The following SLC10A7 variants were observed in gnomAD, a reference collection of about 807,000 sequenced individuals.
The protein encoded by SLC10A7 is solute carrier family 10 member 7, also known as sodium/bile acid cotransporter 7.
In SLC10A7, 29 loss-of-function variants were observed where a neutral mutation model predicts 43.2. The ratio of observed to expected loss-of-function variants is 0.67; its 90% CI spans 0.50 to 0.92. The LOEUF is 0.92. Ranked by LOEUF, SLC10A7 falls within the 40% of genes least tolerant of loss-of-function variation. The pLI is 0.00. For missense variants in SLC10A7, 295 were observed against 403.2 expected (o/e 0.73, Z 2.30); for synonymous variants, 152 against 144.8 (o/e 1.05, Z -0.35).
chr4:146,333,175 T>C (rs1044362148), intron 5 of SLC10A7, among the ~76,000 whole-genome samples: 2 of 152,172 alleles, frequency 1.3e-5, no homozygotes, highest in African/African-American at 4.8e-5. Context: ...TATCATCTCA[T>C]TCTCAAAAAA....
intron 9 of SLC10A7, among the ~76,000 whole-genome samples, chr4:146,283,931 C>T (rs897000784): frequency 2.0e-4 from 31 of 151,928 alleles, no homozygotes; most frequent in African/African-American, 7.3e-4. Flanking sequence ...GTTCCCAGGC[C>T]TGTGTTCTTA....
intron 5 of SLC10A7, among the ~76,000 whole-genome samples, chr4:146,398,101 A>G (rs1316458780): frequency 2.6e-5 from 4 of 152,340 alleles, no homozygotes; most frequent in African/African-American, 9.6e-5. Context: ...GAGCGTCTTG[A>G]CATTTCTGAA....
chr4:146,312,795 T>TA (rs1385969298), intron 6 of SLC10A7, among the ~76,000 whole-genome samples: 2 of 152,140 alleles, frequency 1.3e-5, no homozygotes, highest in Non-Finnish European at 2.9e-5. Context: ...GATGGAAACT[T>TA]AAAGTGTGCA....
chr4:146,330,519 G>A (rs1733457841), intron 5 of SLC10A7, among the ~76,000 whole-genome samples: 2 of 152,070 alleles, frequency 1.3e-5, no homozygotes, highest in African/African-American at 4.8e-5. Flanking sequence ...CCCTCTCTCT[G>A]TCTCCCTCAC....
intron 5 of SLC10A7, among the ~76,000 whole-genome samples, chr4:146,334,219 T>G (rs1236297851): frequency 6.6e-6 from 1 of 152,058 alleles, no homozygotes; most frequent in Non-Finnish European, 1.5e-5. Flanking sequence ...TAGCTGGATT[T>G]ATGGGACTGA....
chr4:146,329,709 G>A (rs1733401325), intron 5 of SLC10A7, among the ~76,000 whole-genome samples: 1 of 152,132 alleles, frequency 6.6e-6, no homozygotes. Flanking sequence ...TAAGAAGTAA[G>A]CCTTCATGTC....
At chr4:146,354,281 AT>A (rs1735386659) in intron 5 of SLC10A7, among the ~76,000 whole-genome samples, 1 of 151,856 alleles carries the variant, frequency 6.6e-6, no homozygotes, top group South Asian at 2.1e-4. Context: ...GTGAACTCCC[AT>A]TCACAATTGC....
intron 4 of SLC10A7, among the ~76,000 whole-genome samples, chr4:146,494,429 T>A (rs762836091): frequency 6.6e-6 from 1 of 152,114 alleles, no homozygotes; most frequent in Non-Finnish European, 1.5e-5. Flanking sequence ...TGAGGCACAG[T>A]CAAACCCAAA....
chr4:146,303,195 C>T (rs1312510311), intron 7 of SLC10A7, among the ~76,000 whole-genome samples: 1 of 152,178 alleles, frequency 6.6e-6, no homozygotes, highest in Admixed American at 6.5e-5. Flanking sequence ...ATGGGTTCTA[C>T]TGAGACCTTT....
intron 9 of SLC10A7, among the ~76,000 whole-genome samples, chr4:146,290,290 C>T (rs1324178749): frequency 2.1e-5 from 3 of 140,364 alleles, no homozygotes; most frequent in East Asian, 4.3e-4. Context: ...TGCCACTGCA[C>T]TCCAGCCTGG....
At chr4:146,436,241 G>T (rs896851499) in intron 5 of SLC10A7, among the ~76,000 whole-genome samples, 2 of 152,012 alleles carry the variant, frequency 1.3e-5, no homozygotes, top group African/African-American at 4.8e-5. Context: ...CTGCTAAAAT[G>T]GAATAGGTAC....
At chr4:146,520,150 T>C (rs571636842) in intron 1 of SLC10A7, among the ~76,000 whole-genome samples, 12 of 152,362 alleles carry the variant, frequency 7.9e-5, no homozygotes, top group Admixed American at 7.8e-4. Context: ...ACATCCTCTG[T>C]AATTTCATCT....
intron 5 of SLC10A7, among the ~76,000 whole-genome samples, chr4:146,345,862 C>A (rs956087524): frequency 5.9e-5 from 9 of 151,976 alleles, no homozygotes; most frequent in African/African-American, 2.2e-4. Flanking sequence ...ATTAAGCATT[C>A]CTCCTAGATA....
chr4:146,425,384 C>T lies in SLC10A7; in HGVS notation c.435+17399G>A, dbSNP rs144339662. Among the ~76,000 whole-genome samples the T allele has an allele frequency of 4.6e-3, 701 of 152,346 alleles. 1 individual carries two copies. Among genetic ancestry groups the T allele is most frequent in the Non-Finnish European group, 7.1e-3 (484 of 68,034 alleles). ...AGCAATGATGAAAATGTTCAACACT[C>T]TGCACTGTCCAATGCAGGAGCCACC... On this transcript the variant is annotated intron_variant, in intron 5 of 11. Transcript: ENST00000335472.
intron 4 of SLC10A7, among the ~76,000 whole-genome samples, chr4:146,499,914 G>A (rs1323802468): frequency 6.6e-6 from 1 of 152,140 alleles, no homozygotes; most frequent in Non-Finnish European, 1.5e-5. Flanking sequence ...GGATATGGAT[G>A]AAATGTGAAC....
At chr4:146,286,420 TTGGAGTGGTGAGAAGGACTC>T (rs1553950277) in intron 9 of SLC10A7, among the ~76,000 whole-genome samples, 6 of 132,980 alleles carry the variant, frequency 4.5e-5, no homozygotes, top group South Asian at 2.5e-4. Context: ...AGGACTGTGT[TTGGAGTGGTGAGAAGGACTC>T]TGGAGTGGTG....
intron 11 of SLC10A7, 106 bp downstream of exon 11, chr4:146,258,586 G>C: frequency 9.3e-7 from 1 of 1,078,688 alleles, no homozygotes; most frequent in Non-Finnish European, 1.3e-6. Flanking sequence ...ATATGTACTT[G>C]AAAACAAAGA....
chr4:146,293,899 G>A (rs1308777279), intron 8 of SLC10A7, 31 bp downstream of exon 8: 1 of 1,572,618 alleles, frequency 6.4e-7, no homozygotes, highest in Admixed American at 1.7e-5. Context: ...GACACTGAGG[G>A]ATAGCCAGGC....
intron 4 of SLC10A7, among the ~76,000 whole-genome samples, chr4:146,447,980 C>T (rs1372775514): frequency 6.7e-6 from 1 of 149,728 alleles, no homozygotes; most frequent in Non-Finnish European, 1.5e-5. Context: ...AAAAACCAAA[C>T]ACCGCATGTT....
Sources: allele counts gnomAD v4.1 joint callset (sites outside exome capture counted in the v4.1 genomes callset), GRCh38; gene constraint gnomAD v4.1.1; transcripts MANE v1.5; gene names NCBI Gene and HGNC (gene_info 2026-07-23, HGNC 2026-07-21).